DYNLT2: variants seen among roughly 807,000 people sequenced by gnomAD.
The protein encoded by DYNLT2 is dynein light chain Tctex-type 2, also known as dynein light chain Tctex-type protein 2.
In DYNLT2, 24 loss-of-function variants were observed where a neutral mutation model predicts 24.3. The ratio of observed to expected loss-of-function variants is 0.99; its 90% CI spans 0.71 to 1.39. DYNLT2 has a LOEUF of 1.39. DYNLT2 is among the 40% of genes most tolerant of loss of function. DYNLT2 has a pLI of 0.00. For synonymous variants in DYNLT2, 85 were observed against 85.4 expected, an observed-to-expected ratio of 1.00 and a Z score of 0.03; for missense variants, 246 against 234.5, an observed-to-expected ratio of 1.05 and a Z score of -0.32.
the DYNLT2 span, among the ~76,000 whole-genome samples, chr6:169,728,647 C>T: frequency 6.6e-6 from 1 of 151,744 alleles, no homozygotes; most frequent in Non-Finnish European, 1.5e-5. Flanking sequence ...GCTACGTAGA[C>T]ATATCAGGAA....
chr6:169,728,688 T>C, the DYNLT2 span, among the ~76,000 whole-genome samples: 4 of 152,252 alleles, frequency 2.6e-5, no homozygotes, highest in African/African-American at 9.6e-5. Flanking sequence ...ATTTATTTAG[T>C]ATGCCATAAT....
chr6:169,725,941 GATA>G, the DYNLT2 span: 1 of 152,200 alleles, frequency 6.6e-6, no homozygotes, highest in South Asian at 2.1e-4. Context: ...TGTAGCCAAG[GATA>G]ATTGTTTCAA....
At chr6:169,730,498 T>G in the DYNLT2 span, among the ~76,000 whole-genome samples, 3 of 152,304 alleles carry the variant, frequency 2.0e-5, no homozygotes, top group East Asian at 5.8e-4. Flanking sequence ...AGGGCTGCAG[T>G]GGCACTCCTC....
At chr6:169,751,296 T>G in intron 1 of DYNLT2, 43 bp downstream of exon 1, 1 of 1,586,088 alleles carries the variant, frequency 6.3e-7, no homozygotes, top group Non-Finnish European at 8.6e-7. Context: ...ACTTAAACGG[T>G]CGGACATAGC....
downstream of DYNLT2, among the ~76,000 whole-genome samples, chr6:169,739,542 T>TA (rs988499563): frequency 6.6e-6 from 1 of 152,078 alleles, no homozygotes; most frequent in African/African-American, 2.4e-5. Context: ...CCCTGGGAAA[T>TA]AAAATTTTCC....
At chr6:169,725,632 G>GTTT in the DYNLT2 span, 2 of 255,344 alleles carry the variant, frequency 7.8e-6, no homozygotes, top group East Asian at 7.1e-5. Flanking sequence ...AGAGTTTAGC[G>GTTT]GTTTTTTTTT....
the DYNLT2 span, among the ~76,000 whole-genome samples, chr6:169,726,826 C>T: frequency 6.6e-6 from 1 of 152,118 alleles, no homozygotes; most frequent in East Asian, 1.9e-4. Flanking sequence ...CAAATGAATG[C>T]CTTACTGTTT....
At position 169,751,502 on chromosome 6, in the gene DYNLT2, C is replaced by A. The variant is rs1443759359; in HGVS notation, c.-44G>T. ...ACGCCCACCGCCTCCCCTTCACCGC[C>A]GGCGGTCAAACGCCCTAGCCAGTCC... On this transcript the variant is annotated 5_prime_UTR_variant, in exon 1 of 4. Coordinates refer to ENST00000366774, the MANE Select transcript of DYNLT2 (RefSeq NM_174910.3). The A allele has an allele frequency of 6.2e-7, 1 of 1,611,206 alleles. No homozygotes were observed. Among genetic ancestry groups the A allele is most frequent in the Non-Finnish European group, 8.5e-7 (1 of 1,178,682 alleles).
At chr6:169,751,131 CAAG>C (rs1170024831) in intron 1 of DYNLT2, 2 of 673,084 alleles carry the variant, frequency 3.0e-6, no homozygotes, top group Non-Finnish European at 4.9e-6. Flanking sequence ...AATTAAAAAA[CAAG>C]AAAACTTTAG....
chr6:169,749,156 G>C (rs147478452), intron 1 of DYNLT2, among the ~76,000 whole-genome samples: 56 of 152,230 alleles, frequency 3.7e-4, no homozygotes, highest in Non-Finnish European at 6.6e-4. Context: ...CTGGAGTGCA[G>C]TGGCATGATC....
At chr6:169,748,392 C>T (rs1184936648) in intron 1 of DYNLT2, among the ~76,000 whole-genome samples, 3 of 132,118 alleles carry the variant, frequency 2.3e-5, no homozygotes, top group African/African-American at 1.0e-4. Context: ...TTCACCTTAC[C>T]TATTTCTCAT....
At chr6:169,729,597 G>A in the DYNLT2 span, among the ~76,000 whole-genome samples, 1 of 152,166 alleles carries the variant, frequency 6.6e-6, no homozygotes, top group Non-Finnish European at 1.5e-5. Flanking sequence ...GCTATGGACT[G>A]AATGTTTGTG....
In DYNLT2 at chr6:169,743,110, T is replaced by C. The variant is rs1789715327; in HGVS notation, c.456A>G (p.Leu152=). ...TTGCTTGGCCAGTCTTTTGAATAAA[T>C]AATACTTTTATAATGAACTTATAAC... ...YHRYKFIIKV[L]FIQKTGQAIN... is the part of the protein sequence containing the mutation. Residue 152 remains leucine, a synonymous_variant, in exon 3 of 4, where the codon TTA becomes TTG. Coordinates refer to ENST00000366774, the MANE Select transcript of DYNLT2 (RefSeq NM_174910.3). 1.3e-6 allele frequency: 2 copies of C among 1,574,948 alleles called. No individual in the cohort carries two copies. The highest frequency in any genetic ancestry group is 1.7e-6 in the Non-Finnish European group (2 of 1,155,208).
intron 1 of DYNLT2, among the ~76,000 whole-genome samples, chr6:169,744,745 C>T (rs193098450): frequency 1.1e-4 from 16 of 152,220 alleles, no homozygotes; most frequent in East Asian, 9.7e-4. Flanking sequence ...ATAGCACATT[C>T]GTAAGTCTTA....
chr6:169,745,427 C>T (rs548575229), intron 1 of DYNLT2, among the ~76,000 whole-genome samples: 1 of 152,198 alleles, frequency 6.6e-6, no homozygotes, highest in Admixed American at 6.5e-5. Context: ...TCATATAGAG[C>T]TTTTATTAGG....
At chr6:169,751,064 GA>G (rs1220936770) in intron 1 of DYNLT2, 4 of 368,964 alleles carry the variant, frequency 1.1e-5, no homozygotes, top group South Asian at 1.1e-4. Context: ...GAGTAAATTT[GA>G]AAAGAAGATC....
chr6:169,749,561 A>G (rs1456173318), intron 1 of DYNLT2: 1 of 152,260 alleles, frequency 6.6e-6, no homozygotes, highest in Non-Finnish European at 1.5e-5. Flanking sequence ...ATAACAGCAG[A>G]GAAGGCTGAT....
chr6:169,746,633 C>T (rs1789806126), intron 1 of DYNLT2, among the ~76,000 whole-genome samples: 1 of 152,080 alleles, frequency 6.6e-6, no homozygotes, highest in Non-Finnish European at 1.5e-5. Context: ...AACATCCCTG[C>T]CATGTCTGGT....
intron 1 of DYNLT2, 176 bp downstream of exon 1, chr6:169,751,163 A>C: frequency 1.1e-6 from 1 of 939,974 alleles, no homozygotes; most frequent in Non-Finnish European, 1.6e-6. Context: ...TCCAAAGGGG[A>C]CTGCCCAACT....
Sources: allele counts gnomAD v4.1 joint callset (sites outside exome capture counted in the v4.1 genomes callset), GRCh38; gene constraint gnomAD v4.1.1; transcripts MANE v1.5; gene names NCBI Gene and HGNC (gene_info 2026-07-23, HGNC 2026-07-21).